The following ZFHX3 variants were observed in gnomAD, a reference collection of about 807,000 sequenced individuals.
ZFHX3 encodes the protein zinc finger homeobox 3, also known as zinc finger homeobox protein 3.
A neutral mutation model predicts 279.1 loss-of-function variants in ZFHX3; 42 were observed. The observed-to-expected ratio is 0.15, with a 90% CI of 0.12 to 0.19. The LOEUF (loss-of-function observed/expected upper bound fraction) is 0.19. ZFHX3 is among the 10% of genes least tolerant of loss of function. ZFHX3 has a pLI of 1.00. For missense variants in ZFHX3, 4,981 were observed against 4,754.0 expected, an observed-to-expected ratio of 1.05 and a Z score of -1.40; for synonymous variants, 2,293 against 1,957.8, an observed-to-expected ratio of 1.17 and a Z score of -4.52.
intron 1 of ZFHX3, among the ~76,000 whole-genome samples, chr16:73,040,761 G>T (rs918967331): frequency 6.6e-6 from 1 of 152,230 alleles, no homozygotes; most frequent in Admixed American, 6.5e-5. Context: ...AATGAAAAGG[G>T]CGTGGAGATG....
At chr16:73,211,765 T>C (rs1470744785) in intron 5 of ZFHX3, among the ~76,000 whole-genome samples, 1 of 152,100 alleles carries the variant, frequency 6.6e-6, no homozygotes, top group Non-Finnish European at 1.5e-5. Context: ...AAGCACATTT[T>C]TTGGGGGCTA....
chr16:73,787,399 C>T (rs1056784361), intron 1 of ZFHX3, among the ~76,000 whole-genome samples: 1 of 152,188 alleles, frequency 6.6e-6, no homozygotes. Flanking sequence ...CAAGCGGCCC[C>T]ATGCGTCCCA....
chr16:73,691,838 A>G (rs35256983), intron 1 of ZFHX3, among the ~76,000 whole-genome samples: 79,606 of 152,158 alleles, frequency 0.52, 24,867 homozygotes, highest in East Asian at 0.83. Context: ...TTATTGAGAT[A>G]CTGATTCATT....
Position 72,795,552 on chromosome 16 carries a change from G to A in ZFHX3, c.7130C>T (p.Pro2377Leu). 6.2e-7 allele frequency: 1 copy of A among 1,614,098 alleles called. No individual in the cohort carries two copies. The highest frequency in any genetic ancestry group is 8.5e-7 in the Non-Finnish European group (1 of 1,180,024). ...CGGGGTACTGCAGGATGAGCTGGTA[G>A]GCGTCAGGATTTCCATGGCATCCAT... Reference protein sequence around the residue: ...DSMDAMEILTPTSSSCSTPMP... With the variant: ...DSMDAMEILTLTSSSCSTPMP... The change falls in exon 9 of 10, where the codon CCT (proline) becomes CTT (leucine). Residue 2377 changes from proline to leucine, a missense_variant. By Grantham distance (98) the Pro-to-Leu change is moderately conservative (BLOSUM62 -3). Around this residue, in one of 7 missense-constraint regions of ZFHX3, gnomAD observed 744 missense variants for 701.3 expected, o/e 1.06. Transcript: ENST00000268489.
intron 6 of ZFHX3, among the ~76,000 whole-genome samples, chr16:73,131,513 G>A (rs183267330): frequency 2.5e-4 from 38 of 152,322 alleles, no homozygotes; most frequent in South Asian, 1.0e-3. Flanking sequence ...GTCAGACAGG[G>A]TACTTTTAAG....
At chr16:72,789,012 C>A in intron 9 of ZFHX3, 164 bp from the exon 10 acceptor site, 1 of 1,032,234 alleles carries the variant, frequency 9.7e-7, no homozygotes. Context: ...AGGCTCAGGG[C>A]TGGACAACCT....
chr16:73,741,371 A>G (rs1294669424), intron 1 of ZFHX3, among the ~76,000 whole-genome samples: 1 of 152,172 alleles, frequency 6.6e-6, no homozygotes, highest in African/African-American at 2.4e-5. Context: ...TGAGTCTCTG[A>G]ATCCTCAAGT....
chr16:73,385,719 C>T (rs9928461), intron 3 of ZFHX3, among the ~76,000 whole-genome samples: 68,909 of 152,008 alleles, frequency 0.45, 16,070 homozygotes, highest in Non-Finnish European at 0.5. Flanking sequence ...AATGCCAGTG[C>T]CCCCCACTGC....
intron 5 of ZFHX3, among the ~76,000 whole-genome samples, chr16:73,168,211 T>TTTTTTCTTTC (rs71391499): frequency 3.2e-5 from 3 of 95,222 alleles, no homozygotes; most frequent in Non-Finnish European, 6.3e-5. Flanking sequence ...GTTTCTTTTG[T>TTTTTTCTTTC]TTTCTTTCTT....
At position 73,316,546 on chromosome 16, in the gene ZFHX3, T is replaced by C. The variant is rs12924104; in HGVS notation, c.-1194+1694A>G. On this transcript the variant is annotated intron_variant, in intron 4 of 17. Coordinates refer to the ZFHX3 transcript ENST00000641206. ...AATACCTAGTAGATACTCTTTGATA[T>C]TCTTTTCCAACGGTTTCATGTACAC... is the stretch of plus-strand genomic sequence containing the variant. 1.0e-2 allele frequency among the ~76,000 whole-genome samples: 1,518 copies of C among 152,344 alleles called. 17 individuals are homozygous for C. Among genetic ancestry groups the C allele is most frequent in the Non-Finnish European group, 0.016 (1,081 of 68,038 alleles).
At chr16:73,157,470 A>G (rs1398100332) in intron 5 of ZFHX3, among the ~76,000 whole-genome samples, 2 of 150,720 alleles carry the variant, frequency 1.3e-5, no homozygotes, top group East Asian at 3.9e-4. Flanking sequence ...TTTGGTAAAA[A>G]AAAAAAAAAA....
intron 4 of ZFHX3, among the ~76,000 whole-genome samples, chr16:72,861,018 C>T (rs2037877091): frequency 6.6e-6 from 1 of 152,190 alleles, no homozygotes; most frequent in South Asian, 2.1e-4. Flanking sequence ...CTTCTCTTAC[C>T]TGGCCAACAG....
At chr16:73,057,956 G>C (rs1159231751) in intron 1 of ZFHX3, among the ~76,000 whole-genome samples, 1 of 147,998 alleles carries the variant, frequency 6.8e-6, no homozygotes, top group Non-Finnish European at 1.5e-5. Context: ...CGGGGCCCCG[G>C]CGCCTCTCGG....
intron 4 of ZFHX3, among the ~76,000 whole-genome samples, chr16:73,259,243 C>A (rs973747066): frequency 2.6e-5 from 4 of 152,184 alleles, no homozygotes; most frequent in African/African-American, 9.7e-5. Context: ...ATGTCTTCAA[C>A]TTTATTAGAT....
rs566732712 is a variant in ZFHX3 at position 72,935,995 on chromosome 16, G to A, written c.3216+14474C>T. On this transcript the variant is annotated intron_variant, in intron 3 of 9. Transcript: ENST00000268489. ...GATTTTAGTTGGCAGAATTTGGGCG[G>A]ACAGAGCCGAAACTCACGGGTGGCC... Among the ~76,000 whole-genome samples, 123 of 152,294 alleles carry A rather than the reference G, an allele frequency of 8.1e-4. 1 individual carries two copies. Among genetic ancestry groups the A allele is most frequent in the African/African-American group, 2.9e-3 (120 of 41,582 alleles).
intron 2 of ZFHX3, among the ~76,000 whole-genome samples, chr16:73,678,212 A>G (rs2052974135): frequency 6.6e-6 from 1 of 152,132 alleles, no homozygotes; most frequent in Non-Finnish European, 1.5e-5. Flanking sequence ...AATGAGTAAA[A>G]CTTTTCTGTG....
At chr16:73,104,387 C>G (rs543207144) in intron 7 of ZFHX3, among the ~76,000 whole-genome samples, 2 of 152,062 alleles carry the variant, frequency 1.3e-5, no homozygotes. Flanking sequence ...CGCACCACCA[C>G]GTCCAGCTAA....
chr16:72,834,070 G>T (rs1002937677), intron 4 of ZFHX3, among the ~76,000 whole-genome samples: 4 of 152,078 alleles, frequency 2.6e-5, no homozygotes, highest in Admixed American at 2.0e-4. Flanking sequence ...AAGAGAGTGA[G>T]ACTCCATCTC....
intron 2 of ZFHX3, among the ~76,000 whole-genome samples, chr16:73,647,208 T>C (rs1216081117): frequency 6.6e-6 from 1 of 152,050 alleles, no homozygotes; most frequent in Non-Finnish European, 1.5e-5. Flanking sequence ...GAGACGGGGT[T>C]TCACCGTGTT....
Sources: gnomAD v4.1 joint callset for allele counts (sites outside exome capture counted in the v4.1 genomes callset) on GRCh38, gnomAD v4.1.1 for gene constraint, gnomAD v4.1.1 regional missense constraint, MANE v1.5 for transcripts, NCBI Gene and HGNC (gene_info 2026-07-23, HGNC 2026-07-21) for gene names.